Variants in TSHZ2 observed in about 807,000 individuals in gnomAD.
The protein encoded by TSHZ2 is teashirt zinc finger homeobox 2, also known as teashirt homolog 2.
In TSHZ2, 21 loss-of-function variants were observed where a neutral mutation model predicts 74.4. That is an observed-to-expected ratio of 0.28 (90% CI 0.20 to 0.41). The LOEUF is 0.41. Ranked by LOEUF, TSHZ2 falls within the 10% of genes least tolerant of loss-of-function variation. The probability of loss-of-function intolerance (pLI) is 1.00; values close to 1 mark genes in which losing one functional copy is unlikely to be tolerated. For synonymous variants in TSHZ2, 540 were observed against 515.3 expected (o/e 1.05, Z -0.65); for missense variants, 1,244 against 1,293.5 (o/e 0.96, Z 0.59).
chr20:53,205,096 A>AC (rs1260991239), intron 1 of TSHZ2, among the ~76,000 whole-genome samples: 1 of 152,028 alleles, frequency 6.6e-6, no homozygotes, highest in Non-Finnish European at 1.5e-5. Context: ...ATCTCAAAAA[A>AC]AAAAAAAAAA....
At chr20:52,981,784 G>A (rs1342741344) in intron 1 of TSHZ2, among the ~76,000 whole-genome samples, 1 of 152,160 alleles carries the variant, frequency 6.6e-6, no homozygotes, top group Non-Finnish European at 1.5e-5. Flanking sequence ...GGTAACAATG[G>A]TAACAATGAT....
intron 1 of TSHZ2, among the ~76,000 whole-genome samples, chr20:53,246,113 C>G (rs2123705034): frequency 6.7e-6 from 1 of 150,200 alleles, no homozygotes; most frequent in South Asian, 2.1e-4. Flanking sequence ...GATCTCAGCT[C>G]TCTGCAACCT....
At chr20:53,003,659 T>C (rs1237981031) in intron 1 of TSHZ2, among the ~76,000 whole-genome samples, 1 of 152,180 alleles carries the variant, frequency 6.6e-6, no homozygotes, top group Admixed American at 6.5e-5. Context: ...ACATTAGGCA[T>C]ACTTAATCAA....
At chr20:53,127,945 G>A (rs1986993143) in intron 1 of TSHZ2, among the ~76,000 whole-genome samples, 1 of 152,184 alleles carries the variant, frequency 6.6e-6, no homozygotes, top group South Asian at 2.1e-4. Context: ...ATGCTAATGA[G>A]GGGAGAAAAA....
chr20:53,192,576 A>C (rs983302700), intron 1 of TSHZ2, among the ~76,000 whole-genome samples: 16 of 151,240 alleles, frequency 1.1e-4, no homozygotes, highest in African/African-American at 4.8e-5. Context: ...AAAAAAAAAA[A>C]AACCCACAAC....
intron 2 of TSHZ2, among the ~76,000 whole-genome samples, chr20:53,320,135 T>C (rs925189133): frequency 1.3e-5 from 2 of 152,212 alleles, no homozygotes; most frequent in African/African-American, 2.4e-5. Context: ...ATTATCTTCA[T>C]TGTGAACCTC....
chr20:53,207,400 A>G (rs1442095209), intron 1 of TSHZ2, among the ~76,000 whole-genome samples: 1 of 152,138 alleles, frequency 6.6e-6, no homozygotes, highest in African/African-American at 2.4e-5. Flanking sequence ...TCCCTCTCCA[A>G]TCAGGTGTGT....
chr20:53,039,254 G>A (rs965963325), intron 1 of TSHZ2, among the ~76,000 whole-genome samples: 1 of 151,776 alleles, frequency 6.6e-6, no homozygotes, highest in Admixed American at 6.6e-5. Context: ...AACCTACCCC[G>A]ATCATCTGAT....
At chr20:53,380,163 T>TGTGTGTGTGTGC (rs3971382) in intron 2 of TSHZ2, among the ~76,000 whole-genome samples, 9 of 150,944 alleles carry the variant, frequency 6.0e-5, no homozygotes, top group African/African-American at 2.2e-4. Flanking sequence ...TGTGTGTGTG[T>TGTGTGTGTGTGC]GCACACGCAT....
intron 1 of TSHZ2, among the ~76,000 whole-genome samples, chr20:53,206,002 C>T (rs1264203538): frequency 1.3e-5 from 2 of 152,102 alleles, no homozygotes; most frequent in African/African-American, 4.8e-5. Flanking sequence ...GGGTGGATCA[C>T]GAGGTCAGGA....
At chr20:53,142,531 A>C (rs953498367) in intron 1 of TSHZ2, among the ~76,000 whole-genome samples, 1 of 152,260 alleles carries the variant, frequency 6.6e-6, no homozygotes, top group African/African-American at 2.4e-5. Flanking sequence ...GAAGGAAGAT[A>C]AGGCCAGAGG....
rs1374080488 is a variant in TSHZ2 at position 53,358,485 on chromosome 20, C to T, written c.*8+101914C>T. On this transcript the variant is annotated intron_variant, in intron 2 of 2. Transcript: ENST00000371497. ...CCTCCCCAGTACCTGGGACTACAGG[C>T]GTGCACCACCATGCCTGGCTACTTT... Among the ~76,000 whole-genome samples the T allele has an allele frequency of 3.9e-5, 6 of 152,004 alleles. No homozygotes were observed. In the East Asian group the frequency reaches 7.7e-4, roughly 20 times the overall value.
At chr20:53,479,810 T>C (rs1986096083) in intron 2 of TSHZ2, among the ~76,000 whole-genome samples, 1 of 152,202 alleles carries the variant, frequency 6.6e-6, no homozygotes, top group South Asian at 2.1e-4. Context: ...TGGCATCTAG[T>C]GGGTAGAAGC....
At chr20:53,440,386 C>T (rs1419553258) in intron 2 of TSHZ2, among the ~76,000 whole-genome samples, 1 of 152,188 alleles carries the variant, frequency 6.6e-6, no homozygotes, top group Non-Finnish European at 1.5e-5. Context: ...GCAGGGGGTT[C>T]CTGGAATTGT....
intron 1 of TSHZ2, among the ~76,000 whole-genome samples, chr20:53,020,241 G>A (rs1047960476): frequency 2.0e-5 from 3 of 152,070 alleles, no homozygotes; most frequent in East Asian, 1.9e-4. Flanking sequence ...CGTCACCATC[G>A]GTCCTCGTGT....
chr20:53,001,207 T>TTCATGTGC (rs1982400373), intron 1 of TSHZ2, among the ~76,000 whole-genome samples: 1 of 54,608 alleles, frequency 1.8e-5, no homozygotes, highest in African/African-American at 7.9e-5. Flanking sequence ...TTCATGTGCG[T>TTCATGTGC]GTGTGTGTGT....
At chr20:53,078,606 TG>T (rs1252825845) in intron 1 of TSHZ2, among the ~76,000 whole-genome samples, 1 of 152,216 alleles carries the variant, frequency 6.6e-6, no homozygotes, top group African/African-American at 2.4e-5. Context: ...TGCATTTTGC[TG>T]GATGTATTGG....
intron 1 of TSHZ2, among the ~76,000 whole-genome samples, chr20:53,191,006 G>A (rs952278529): frequency 1.3e-5 from 2 of 152,048 alleles, no homozygotes; most frequent in African/African-American, 2.4e-5. Context: ...GAAAAAGAAG[G>A]TTGACCTTCC....
intron 2 of TSHZ2, among the ~76,000 whole-genome samples, chr20:53,469,816 GATA>G (rs1985733057): frequency 7.1e-6 from 1 of 140,844 alleles, no homozygotes; most frequent in Admixed American, 7.1e-5. Flanking sequence ...ACCCAACAAA[GATA>G]GAGAAAGAGA....
Sources: gnomAD v4.1 joint callset for allele counts (sites outside exome capture counted in the v4.1 genomes callset) on GRCh38, gnomAD v4.1.1 for gene constraint, MANE v1.5 for transcripts, NCBI Gene and HGNC (gene_info 2026-07-23, HGNC 2026-07-21) for gene names.